FBP2: variants seen among roughly 807,000 people sequenced by gnomAD.
The protein encoded by FBP2 is fructose-bisphosphatase 2.
In FBP2, 27 loss-of-function variants were observed where a neutral mutation model predicts 31.6. The observed-to-expected ratio is 0.85, with a 90% CI of 0.63 to 1.18. The LOEUF (loss-of-function observed/expected upper bound fraction) is 1.18, where lower values mean the gene tolerates loss of function less well. FBP2 is among the 50% of genes most tolerant of loss of function. The pLI is 0.00. For missense variants in FBP2, 421 were observed against 436.1 expected, an observed-to-expected ratio of 0.97 and a Z score of 0.31; for synonymous variants, 168 against 179.8, an observed-to-expected ratio of 0.93 and a Z score of 0.53.
intron 6 of FBP2, among the ~76,000 whole-genome samples, chr9:94,562,579 A>G (rs777973550): frequency 2.6e-5 from 4 of 152,156 alleles, no homozygotes; most frequent in Non-Finnish European, 5.9e-5. Context: ...TCAAATCTCA[A>G]GGTGACTCTG....
intron 3 of FBP2, 22 bp downstream of exon 3, chr9:94,584,555 A>G (rs1240008508): frequency 6.7e-7 from 1 of 1,497,840 alleles, no homozygotes; most frequent in East Asian, 2.3e-5. Flanking sequence ...AGGAGGTGTA[A>G]AATGTCAGCC....
chr9:94,592,675 C>G (rs535398041), intron 1 of FBP2, among the ~76,000 whole-genome samples: 2 of 152,324 alleles, frequency 1.3e-5, no homozygotes, highest in South Asian at 2.1e-4. Context: ...GCCGGGACTA[C>G]AGGCGCCCGC....
At chr9:94,573,434 T>C (rs1827288394) in intron 3 of FBP2, among the ~76,000 whole-genome samples, 1 of 152,178 alleles carries the variant, frequency 6.6e-6, no homozygotes, top group South Asian at 2.1e-4. Flanking sequence ...CCAGCTAATG[T>C]CTTTTTTGAG....
rs1291708710 is a variant in FBP2, at chr9:94,583,702, C to T, written c.426+875G>A. 2.0e-5 allele frequency among the ~76,000 whole-genome samples: 3 copies of T among 152,180 alleles called. No homozygotes were observed. The East Asian group carries it at 5.8e-4, about 29-fold the overall frequency. On this transcript the variant is annotated intron_variant, in intron 3 of 6. Coordinates refer to ENST00000375337, the MANE Select transcript of FBP2 (RefSeq NM_003837.4). ...GCAACCTGCACTTCCTGGGTTCAAG[C>T]AATTCTCTTGCCTCAGCCTCCTGAG...
intron 6 of FBP2, among the ~76,000 whole-genome samples, chr9:94,561,255 T>C (rs4744353): frequency 0.61 from 92,687 of 151,806 alleles, 28,571 homozygotes; most frequent in Admixed American, 0.73. Context: ...GTTACTTTTG[T>C]TCTGACCTCA....
chr9:94,593,518 G>C, intron 1 of FBP2, 39 bp downstream of exon 1: 1 of 1,586,472 alleles, frequency 6.3e-7, no homozygotes, highest in Non-Finnish European at 8.6e-7. Flanking sequence ...GCCTGGGCCT[G>C]GGGTGCTCTG....
chr9:94,593,688 G>A lies in FBP2; in HGVS notation c.39C>T (p.Thr13=), dbSNP rs1178735857. The change falls in exon 1 of 7, where the codon ACC becomes ACT. Residue 13 remains threonine (T), a synonymous_variant. Coordinates refer to ENST00000375337, the MANE Select transcript of FBP2 (RefSeq NM_003837.4). ...DRSPFETDML[T]LTRYVMEKGR... The stretch of plus-strand genomic sequence containing the variant: ...CCTTTTCCATAACGTAGCGGGTCAG[G>A]GTGAGCATGTCGGTTTCGAAGGGGC... The A allele has an allele frequency of 1.2e-6, 2 of 1,614,100 alleles. No individual in the cohort carries two copies. The highest frequency in any genetic ancestry group is 1.1e-5 in the South Asian group (1 of 91,090).
chr9:94,589,944 A>G (rs1027938492), intron 1 of FBP2, among the ~76,000 whole-genome samples: 13 of 152,178 alleles, frequency 8.5e-5, no homozygotes, highest in Admixed American at 3.3e-4. Context: ...TTGGTTCGAT[A>G]TGGAATCTGA....
At position 94,584,641 on chromosome 9, in the gene FBP2, A is replaced by T. The variant is rs1399699424; in HGVS notation, c.362T>A (p.Leu121Gln). The change falls in exon 3 of 7, where the codon CTG becomes CAG. Residue 121 changes from leucine (L) to glutamine (Q), a missense_variant. Coordinates refer to ENST00000375337, the MANE Select transcript of FBP2 (RefSeq NM_003837.4). ...GCAGTCAATATTGGAAGATCCATCC[A>T]GTGGGTCAAAGCAGACCACGTATTT... is the stretch of plus-strand genomic sequence containing the variant. ...RGKYVVCFDP[L>Q]DGSSNIDCLA... 2 of 1,613,496 alleles carry T rather than the reference A, an allele frequency of 1.2e-6. No homozygotes were observed. The highest frequency in any genetic ancestry group is 1.7e-6 in the Non-Finnish European group (2 of 1,179,496).
chr9:94,564,025 C>G (rs762200245), intron 5 of FBP2, among the ~76,000 whole-genome samples: 5 of 152,184 alleles, frequency 3.3e-5, no homozygotes, highest in African/African-American at 4.8e-5. Context: ...CTTAGACACC[C>G]CCCCACAATA....
At chr9:94,591,518 A>G (rs1409557821) in intron 1 of FBP2, among the ~76,000 whole-genome samples, 2 of 151,966 alleles carry the variant, frequency 1.3e-5, no homozygotes, top group African/African-American at 2.4e-5. Context: ...TCCCGCTCGC[A>G]CCTCTCCCTC....
chr9:94,585,045 C>T (rs575241482), intron 2 of FBP2, among the ~76,000 whole-genome samples: 6 of 152,102 alleles, frequency 3.9e-5, no homozygotes, highest in East Asian at 1.9e-4. Flanking sequence ...TGATGGCGAC[C>T]GGAACCCCCA....
chr9:94,590,271 TC>T (rs930038499), intron 1 of FBP2, among the ~76,000 whole-genome samples: 6 of 152,094 alleles, frequency 3.9e-5, no homozygotes, highest in African/African-American at 1.4e-4. Flanking sequence ...AAAGGAATGA[TC>T]CCCCACGGCC....
intron 5 of FBP2, among the ~76,000 whole-genome samples, chr9:94,566,373 C>G (rs1481641965): frequency 6.6e-6 from 1 of 152,286 alleles, no homozygotes; most frequent in Non-Finnish European, 1.5e-5. Context: ...TAAAGGCATT[C>G]TTAAGCCACA....
intron 4 of FBP2, 72 bp from the exon 5 acceptor site, chr9:94,567,479 T>A (rs1294451756): frequency 2.5e-6 from 4 of 1,576,700 alleles, no homozygotes; most frequent in Non-Finnish European, 3.5e-6. Context: ...AATCCCCACA[T>A]CAGAGCAGGA....
At chr9:94,584,306 T>G (rs1307965476) in intron 3 of FBP2, among the ~76,000 whole-genome samples, 1 of 152,162 alleles carries the variant, frequency 6.6e-6, no homozygotes, top group African/African-American at 2.4e-5. Context: ...TGTCTGACAT[T>G]TGTGTTGCAC....
At chr9:94,587,835 G>T (rs1283040580) in intron 1 of FBP2, among the ~76,000 whole-genome samples, 1 of 151,700 alleles carries the variant, frequency 6.6e-6, no homozygotes, top group African/African-American at 2.4e-5. Flanking sequence ...CCAGCTCCTG[G>T]AATTTGTTTT....
intron 1 of FBP2, among the ~76,000 whole-genome samples, chr9:94,590,539 C>G (rs1420391055): frequency 6.6e-6 from 1 of 152,188 alleles, no homozygotes; most frequent in African/African-American, 2.4e-5. Context: ...GTGAGTGTTA[C>G]AGCTCTTAAG....
intron 1 of FBP2, among the ~76,000 whole-genome samples, chr9:94,588,761 CA>C (rs1246909830): frequency 6.6e-6 from 1 of 152,190 alleles, no homozygotes; most frequent in Non-Finnish European, 1.5e-5. Context: ...TACCCAGAGG[CA>C]AAATCCAAGT....
Sources: gnomAD v4.1 joint callset for allele counts (sites outside exome capture counted in the v4.1 genomes callset) on GRCh38, gnomAD v4.1.1 for gene constraint, MANE v1.5 for transcripts, NCBI Gene and HGNC (gene_info 2026-07-23, HGNC 2026-07-21) for gene names.